SYDE2: variants seen among roughly 807,000 people sequenced by gnomAD.
SYDE2 encodes rho GTPase-activating protein SYDE2.
In SYDE2, 76 loss-of-function variants were observed where a neutral mutation model predicts 91.5. The observed-to-expected ratio is 0.83, with a 90% CI of 0.69 to 1.01. The LOEUF (loss-of-function observed/expected upper bound fraction) is 1.01, where lower values mean the gene tolerates loss of function less well. SYDE2 is among the 50% of genes least tolerant of loss of function. SYDE2 has a pLI of 0.00. For synonymous variants in SYDE2, 513 were observed against 506.4 expected (o/e 1.01, Z -0.18); for missense variants, 1,364 against 1,367.7 (o/e 1.00, Z 0.04).
rs866665388 is a variant in SYDE2, at chr1:85,200,965, C to A, written c.32G>T (p.Arg11Leu). 1 of 1,298,120 alleles carries A rather than the reference C, an allele frequency of 7.7e-7. No homozygotes were observed. Among genetic ancestry groups the A allele is most frequent in the African/African-American group, 1.5e-5 (1 of 65,510 alleles). 80.4% of individuals were successfully genotyped at this position (1,298,120 alleles called of 1,614,324 possible). A position where few individuals can be genotyped will look rare whatever the true frequency, so the allele number is the denominator to read the frequency against. The part of the protein sequence containing the change: MHDLPPDSGA[R>L]RGGRGLADHS... ...ATCCGCCAAGCCCCTGCCGCCCCGC[C>A]GCGCGCCCGAGTCAGGGGGCAGGTC... Residue 11 changes from arginine to leucine, a missense_variant, in exon 1 of 7, where the codon CGG becomes CTG. Transcript: ENST00000341460.
intron 2 of SYDE2, among the ~76,000 whole-genome samples, chr1:85,186,005 AG>A (rs1261686556): frequency 3.2e-4 from 48 of 152,188 alleles, no homozygotes; most frequent in Admixed American, 1.8e-3. Flanking sequence ...TTTAGCATGA[AG>A]GGTTGTTGAA....
chr1:85,159,816 T>G (rs1656992536), intron 6 of SYDE2: 4 of 972,908 alleles, frequency 4.1e-6, no homozygotes, highest in Non-Finnish European at 4.9e-6. Context: ...ATTTGACCAC[T>G]TTGTTACCTG....
At chr1:85,162,210 G>A (rs1352902130) in intron 6 of SYDE2, among the ~76,000 whole-genome samples, 1 of 152,012 alleles carries the variant, frequency 6.6e-6, no homozygotes, top group African/African-American at 2.4e-5. Flanking sequence ...AAAAATAAGG[G>A]GGCGACTCTT....
rs1658311625 is a variant in SYDE2, at chr1:85,190,244, A to G, written c.1254T>C (p.His418=). 1 of 1,613,908 alleles carries G rather than the reference A, an allele frequency of 6.2e-7. No homozygotes were observed. Among genetic ancestry groups the G allele is most frequent in the Admixed American group, 1.7e-5 (1 of 60,010 alleles). Residue 418 remains histidine, a synonymous_variant, in exon 2 of 7, where the codon CAT becomes CAC. Coordinates refer to ENST00000341460, the MANE Select transcript of SYDE2 (RefSeq NM_032184.2). ...CGGAAGAGCACAGTGAGTCTTCAGT[A>G]TGCCGCTCTGCTTTCATCAGGTCAC... ...SGSDLMKAER[H]TEDSLCSSEH...
At chr1:85,160,987 T>C (rs919116018) in intron 6 of SYDE2, 19 of 981,464 alleles carry the variant, frequency 1.9e-5, no homozygotes, top group Non-Finnish European at 2.3e-5. Context: ...TTTCAATTTC[T>C]GAAAAACCAA....
chr1:85,155,574 C>T (rs534268291), downstream of SYDE2, among the ~76,000 whole-genome samples: 4 of 152,254 alleles, frequency 2.6e-5, no homozygotes, highest in East Asian at 5.8e-4. Flanking sequence ...TAGCAAATGA[C>T]ACATGGCATG....
At chr1:85,175,052 T>C (rs1657644105) in intron 4 of SYDE2, among the ~76,000 whole-genome samples, 1 of 152,226 alleles carries the variant, frequency 6.6e-6, no homozygotes, top group Non-Finnish European at 1.5e-5. Flanking sequence ...TTTCAGGTAC[T>C]GAACCTAGAT....
rs1450655495 is a variant in SYDE2 at position 85,200,464 on chromosome 1, G to A, written c.533C>T (p.Pro178Leu). The change falls in exon 1 of 7, where the codon CCC becomes CTC. Residue 178 changes from proline to leucine, a missense_variant. Physicochemically the swap from Pro to Leu is moderately conservative, Grantham distance 98 (BLOSUM62 -3). Transcript: ENST00000341460. ...RSGKGDRQEGPSFLRPPAVTV... is the reference protein window; with the variant it reads ...RSGKGDRQEGLSFLRPPAVTV... Reference sequence around the variant, plus strand: ...CACTGCCGGCGGCCTGAGGAAGGAGGGGCCTTCCTGGCGGTCTCCTTTGCC... The same window carrying A: ...CACTGCCGGCGGCCTGAGGAAGGAGAGGCCTTCCTGGCGGTCTCCTTTGCC... 1 of 1,613,924 alleles carries A rather than the reference G, an allele frequency of 6.2e-7. No individual in the cohort carries two copies. The highest frequency in any genetic ancestry group is 8.5e-7 in the Non-Finnish European group (1 of 1,179,892).
chr1:85,200,706 A>C lies in SYDE2; in HGVS notation c.291T>G (p.Pro97=), dbSNP rs1462421339. 1 of 1,536,370 alleles carries C rather than the reference A, an allele frequency of 6.5e-7. No individual in the cohort carries two copies. The highest frequency in any genetic ancestry group is 8.7e-7 in the Non-Finnish European group (1 of 1,146,766). ...TGTCGCTCGGCCACCGCTGGAAGGGAGGCGGCTTGGCACCCACCCGGAGGC... is the reference window on the plus strand; with the variant it reads ...TGTCGCTCGGCCACCGCTGGAAGGGCGGCGGCTTGGCACCCACCCGGAGGC... ...LESLRVGAKP[P]PFQRWPSDSW... Residue 97 remains proline (P), a synonymous_variant, in exon 1 of 7, where the codon CCT becomes CCG. Transcript: ENST00000341460.
chr1:85,159,297 C>T, intron 6 of SYDE2, 48 bp from the exon 7 acceptor site: 3 of 738,308 alleles, frequency 4.1e-6, no homozygotes, highest in South Asian at 1.5e-5. Flanking sequence ...TCCAACTGAA[C>T]TTAAAAAAAA....
chr1:85,192,765 C>T (rs1466819240), intron 1 of SYDE2, among the ~76,000 whole-genome samples: 1 of 152,056 alleles, frequency 6.6e-6, no homozygotes, highest in Non-Finnish European at 1.5e-5. Flanking sequence ...AGTCGCTAGC[C>T]CTAGGATTCA....
intron 4 of SYDE2, among the ~76,000 whole-genome samples, chr1:85,171,774 C>T (rs181327532): frequency 1.9e-3 from 293 of 152,170 alleles, no homozygotes; most frequent in Admixed American, 5.9e-3. Context: ...CCTTGGCAAG[C>T]ACAGTTTCAG....
At chr1:85,173,677 T>G (rs567230876) in intron 4 of SYDE2, among the ~76,000 whole-genome samples, 1 of 152,152 alleles carries the variant, frequency 6.6e-6, no homozygotes, top group Admixed American at 6.5e-5. Context: ...CCCAAGAAGG[T>G]AAAATTTACA....
Position 85,183,305 on chromosome 1 carries a change from TTCTTC to T in SYDE2, c.1442-110_1442-106del. The stretch of plus-strand genomic sequence containing the variant: ...AAACAGGCTTTCACATAGGCAGAAA[TTCTTC>T]TCTTATTTCATCTCAATGGGGAGAT... On this transcript the variant is annotated intron_variant, in intron 2 of 6. Coordinates refer to ENST00000341460, the MANE Select transcript of SYDE2 (RefSeq NM_032184.2). 3 of 1,036,494 alleles carry T rather than the reference TTCTTC, an allele frequency of 2.9e-6. No individual in the cohort carries two copies. In the South Asian group the frequency reaches 7.1e-5, roughly 24 times the overall value. 64.2% of individuals were successfully genotyped at this position (1,036,494 alleles called of 1,614,324 possible).
rs137975647 is a variant in SYDE2, at chr1:85,158,270, G to C, written c.*480C>G. On this transcript the variant is annotated 3_prime_UTR_variant, in exon 7 of 7. Coordinates refer to ENST00000341460, the MANE Select transcript of SYDE2 (RefSeq NM_032184.2). ...GTGGGCCCCGTCATCACAGCTACTC[G>C]GGAGGCTGTGGCAGGAGAATCACTT... 6.5e-6 allele frequency: 1 copy of C among 152,900 alleles called. No individual in the cohort carries two copies. Among genetic ancestry groups the C allele is most frequent in the Non-Finnish European group, 1.5e-5 (1 of 68,726 alleles). 9.5% of individuals were successfully genotyped at this position (152,900 alleles called of 1,614,324 possible).
chr1:85,184,052 CCA>C (rs1345373759), intron 2 of SYDE2, among the ~76,000 whole-genome samples: 2 of 152,080 alleles, frequency 1.3e-5, no homozygotes, highest in East Asian at 3.8e-4. Context: ...TTACCAAATT[CCA>C]CAGTCGCTTA....
rs375413235 is a variant in SYDE2, at chr1:85,178,122, C to T, written c.2671+24G>A. ...AGATGTAGTCTTTCCAGAAAGAGTA[C>T]ATAAAATAAAATCTATTTATTACCT... On this transcript the variant is annotated intron_variant, in intron 4 of 6. Transcript: ENST00000341460. The T allele has an allele frequency of 1.2e-5, 18 of 1,524,778 alleles. No individual in the cohort carries two copies. In the South Asian group the frequency reaches 1.7e-4, roughly 15 times the overall value. 94.5% of individuals were successfully genotyped at this position (1,524,778 alleles called of 1,614,324 possible).
intron 1 of SYDE2, among the ~76,000 whole-genome samples, chr1:85,193,042 T>C (rs1658433325): frequency 6.6e-6 from 1 of 152,216 alleles, no homozygotes; most frequent in African/African-American, 2.4e-5. Flanking sequence ...TGTTGGTAAA[T>C]GGAAAAGGCA....
In SYDE2 at chr1:85,182,803, C is replaced by A; in HGVS notation, c.1839G>T (p.Lys613Asn). ...TAAGGTAACCACCTTTGCAGGAATA[C>A]TTAGAACTCATAGAGTTTTTCTTCT... ...SYQKKNSMSS[K>N]YSCKGGYLSD... is the part of the protein sequence containing the mutation. The change falls in exon 3 of 7, where the codon AAG (lysine) becomes AAT (asparagine). Residue 613 changes from lysine to asparagine, a missense_variant. Physicochemically the swap from Lys to Asn is moderately conservative, Grantham distance 94. Coordinates refer to ENST00000341460, the MANE Select transcript of SYDE2 (RefSeq NM_032184.2). The A allele has an allele frequency of 6.2e-7, 1 of 1,613,888 alleles. No homozygotes were observed. The highest frequency in any genetic ancestry group is 1.7e-5 in the Admixed American group (1 of 60,008).
Sources: allele counts gnomAD v4.1 joint callset (sites outside exome capture counted in the v4.1 genomes callset), GRCh38; gene constraint gnomAD v4.1.1; transcripts MANE v1.5; gene names NCBI Gene and HGNC (gene_info 2026-07-23, HGNC 2026-07-21).